The following RASSF2 variants were observed in gnomAD, a reference collection of about 807,000 sequenced individuals.
The protein encoded by RASSF2 is Ras association domain family member 2.
RASSF2 carries 34 observed loss-of-function variants against 46.3 expected under a neutral mutation model. That is an observed-to-expected ratio of 0.73 (90% CI 0.56 to 0.98). The LOEUF (loss-of-function observed/expected upper bound fraction) is 0.98. RASSF2 is among the 50% of genes least tolerant of loss of function. The pLI is 0.00. For missense variants in RASSF2, 364 were observed against 431.2 expected (o/e 0.84, Z 1.38); for synonymous variants, 158 against 162.5 (o/e 0.97, Z 0.21).
chr20:4,812,656 A>G lies in RASSF2; in HGVS notation c.-33+9673T>C, dbSNP rs1927917130. Among the ~76,000 whole-genome samples the G allele has an allele frequency of 6.6e-6, 1 of 152,174 alleles. No individual in the cohort carries two copies. The highest frequency in any genetic ancestry group is 1.5e-5 in the Non-Finnish European group (1 of 68,040). On this transcript the variant is annotated intron_variant, in intron 2 of 11. Transcript: ENST00000379400. The surrounding 1 kb of genome is among the most constrained non-coding windows in gnomAD (Gnocchi z 4.0). ...GGGTCTGAGAAGGTGCAGTTCTAAT[A>G]AGCGCCCAGGGCTGCTGCTGATGCT...
At chr20:4,796,530 C>T (rs541608492) in intron 4 of RASSF2, among the ~76,000 whole-genome samples, 3 of 152,302 alleles carry the variant, frequency 2.0e-5, no homozygotes, top group African/African-American at 7.2e-5. Context: ...CTGTGCTAAT[C>T]AGATTTCCAA....
intron 9 of RASSF2, among the ~76,000 whole-genome samples, 194 bp from the exon 10 acceptor site, chr20:4,787,948 C>T (rs571900163): frequency 1.3e-5 from 2 of 152,116 alleles, no homozygotes; most frequent in South Asian, 4.1e-4. Context: ...TACCACCATG[C>T]CTCAAACTCC....
intron 11 of RASSF2, among the ~76,000 whole-genome samples, chr20:4,785,297 T>C (rs975315137): frequency 8.6e-5 from 13 of 151,832 alleles, no homozygotes; most frequent in Admixed American, 1.3e-4. Flanking sequence ...CGAGATCGCA[T>C]CTCTGCACTC....
intron 2 of RASSF2, among the ~76,000 whole-genome samples, chr20:4,821,017 A>C (rs1214009577): frequency 2.0e-5 from 3 of 152,132 alleles, no homozygotes; most frequent in Non-Finnish European, 2.9e-5. Flanking sequence ...CCTCTGAGGC[A>C]GCAGATGCAC....
chr20:4,791,061 G>C (rs910952496), intron 6 of RASSF2, among the ~76,000 whole-genome samples: 1 of 152,158 alleles, frequency 6.6e-6, no homozygotes, highest in Non-Finnish European at 1.5e-5. Context: ...GATGAACCTT[G>C]ATGACATTAT....
intron 2 of RASSF2, among the ~76,000 whole-genome samples, chr20:4,805,550 A>G (rs13040981): frequency 0.2 from 30,300 of 152,090 alleles, 3,421 homozygotes; most frequent in Middle Eastern, 0.27. Flanking sequence ...GTTTTAAACC[A>G]CCAAGACTAT....
At chr20:4,793,555 T>C (rs1044125377) in intron 5 of RASSF2, among the ~76,000 whole-genome samples, 1 of 152,214 alleles carries the variant, frequency 6.6e-6, no homozygotes, top group Non-Finnish European at 1.5e-5. Context: ...TGGTGAACAC[T>C]TGGCACCCAG....
chr20:4,800,428 C>T (rs1926763660), intron 3 of RASSF2, among the ~76,000 whole-genome samples: 1 of 152,134 alleles, frequency 6.6e-6, no homozygotes, highest in Non-Finnish European at 1.5e-5. Context: ...GCTCTGGTGG[C>T]CAGGAAGTCC....
chr20:4,790,742 G>A lies in RASSF2; in HGVS notation c.377-131C>T. 1 of 665,368 alleles carries A rather than the reference G, an allele frequency of 1.5e-6. No individual in the cohort carries two copies. The highest frequency in any genetic ancestry group is 2.2e-6 in the Non-Finnish European group (1 of 452,916). 41.2% of individuals were successfully genotyped at this position (665,368 alleles called of 1,614,324 possible). On this transcript the variant is annotated intron_variant, in intron 6 of 11. Transcript: ENST00000379400. The surrounding 1 kb of genome is among the most constrained non-coding windows in gnomAD (Gnocchi z 4.3). ...ATATTTTATACAAATAATATTTTCT[G>A]CTGGGGGAAAAACATAATGCAGAAT...
chr20:4,812,083 C>T lies in RASSF2; in HGVS notation c.-33+10246G>A, dbSNP rs981569108. 6.6e-5 allele frequency among the ~76,000 whole-genome samples: 10 copies of T among 152,164 alleles called. No homozygotes were observed. Among genetic ancestry groups the T allele is most frequent in the African/African-American group, 2.2e-4 (9 of 41,436 alleles). ...GAAACCCCAGCCCCATTGCACCACA[C>T]GAGGAAGGAGACTTGAGCTGCGGGC... On this transcript the variant is annotated intron_variant, in intron 2 of 11. Transcript: ENST00000379400. The surrounding 1 kb of genome is among the most constrained non-coding windows in gnomAD (Gnocchi z 4.0).
At chr20:4,809,980 TA>T (rs1037438245) in intron 2 of RASSF2, among the ~76,000 whole-genome samples, 1 of 152,226 alleles carries the variant, frequency 6.6e-6, no homozygotes, top group Non-Finnish European at 1.5e-5. Flanking sequence ...CGTGTGCCGC[TA>T]AGACCCAGCA....
At position 4,783,061 on chromosome 20, in the gene RASSF2, C is replaced by T. The variant is rs1430806181; in HGVS notation, c.*1212G>A. Reference sequence around the variant, plus strand: ...AGGAGCTGAGGAGAAGCTCCATCCTCCCCATGCACCTTCACCAGGTGGCCT... The same window carrying T: ...AGGAGCTGAGGAGAAGCTCCATCCTTCCCATGCACCTTCACCAGGTGGCCT... On this transcript the variant is annotated 3_prime_UTR_variant, in exon 12 of 12. Coordinates refer to ENST00000379400, the MANE Select transcript of RASSF2 (RefSeq NM_014737.3). The T allele has an allele frequency of 6.6e-6, 1 of 152,280 alleles. No homozygotes were observed. Among genetic ancestry groups the T allele is most frequent in the Non-Finnish European group, 1.5e-5 (1 of 68,084 alleles). The allele number at this position is 152,280 out of a possible 1,614,324, so 9.4% of individuals were successfully genotyped here. A position where few individuals can be genotyped will look rare whatever the true frequency, so the allele number is the denominator to read the frequency against.
At chr20:4,802,330 C>CA (rs61526209) in intron 2 of RASSF2, among the ~76,000 whole-genome samples, 7,073 of 152,186 alleles carry the variant, frequency 0.046, 527 homozygotes, top group African/African-American at 0.16. Context: ...AGCACTACCC[C>CA]AGTGATGATG....
chr20:4,812,507 C>T lies in RASSF2; in HGVS notation c.-33+9822G>A, dbSNP rs978046180. On this transcript the variant is annotated intron_variant, in intron 2 of 11. Coordinates refer to ENST00000379400, the MANE Select transcript of RASSF2 (RefSeq NM_014737.3). This position sits in a 1 kb window ranked among gnomAD's most constrained non-coding sequence, Gnocchi z 4.0. Reference sequence around the variant, plus strand: ...GTGCTTTCAGCCAAAAATCAGCCAACCCAACTGTATTCTGGAGGAGAGGTT... The same window carrying T: ...GTGCTTTCAGCCAAAAATCAGCCAATCCAACTGTATTCTGGAGGAGAGGTT... Among the ~76,000 whole-genome samples the T allele has an allele frequency of 3.9e-5, 6 of 152,172 alleles. No homozygotes were observed. The highest frequency in any genetic ancestry group is 7.4e-5 in the Non-Finnish European group (5 of 68,022).
At position 4,788,239 on chromosome 20, in the gene RASSF2, C is replaced by T; in HGVS notation, c.669G>A (p.Leu223=). 4 of 1,608,470 alleles carry T rather than the reference C, an allele frequency of 2.5e-6. No homozygotes were observed. Among genetic ancestry groups the T allele is most frequent in the Non-Finnish European group, 3.4e-6 (4 of 1,174,816 alleles). Residue 223 remains leucine (L), a synonymous_variant, in exon 9 of 12, where the codon TTG becomes TTA. Coordinates refer to ENST00000379400, the MANE Select transcript of RASSF2 (RefSeq NM_014737.3). Reference sequence around the variant, plus strand: ...TACCACCACTCGTATGGACCACGTACAAGGCAAACTCCTCTGCTGAATTCT... The same window carrying T: ...TACCACCACTCGTATGGACCACGTATAAGGCAAACTCCTCTGCTGAATTCT... ...KIENSAEEFA[L]YVVHTSGEKQ... is the part of the protein sequence containing the mutation.
rs1257327254 is a variant in RASSF2 at position 4,784,257 on chromosome 20, C to T, written c.*16G>A. 1.9e-6 allele frequency: 3 copies of T among 1,610,366 alleles called. No individual in the cohort carries two copies. Among genetic ancestry groups the T allele is most frequent in the South Asian group, 1.1e-5 (1 of 90,986 alleles). On this transcript the variant is annotated 3_prime_UTR_variant, in exon 12 of 12. Transcript: ENST00000379400. ...TGGCGGTTCCTGGGGTGCCCAGATC[C>T]CCTCGTTCTCATGGCTCAGATTGTT...
intron 2 of RASSF2, among the ~76,000 whole-genome samples, chr20:4,803,314 G>A (rs982814106): frequency 1.2e-4 from 19 of 152,118 alleles, no homozygotes; most frequent in Admixed American, 2.6e-4. Flanking sequence ...CACGACCCGA[G>A]GGACACAGAC....
At chr20:4,810,585 C>T (rs1455136060) in intron 2 of RASSF2, among the ~76,000 whole-genome samples, 4 of 152,238 alleles carry the variant, frequency 2.6e-5, no homozygotes, top group African/African-American at 9.6e-5. Context: ...CCCAGCACCT[C>T]TCGTCTTATT....
intron 3 of RASSF2, 46 bp from the exon 4 acceptor site, chr20:4,798,131 A>G: frequency 1.2e-6 from 2 of 1,608,296 alleles, no homozygotes; most frequent in South Asian, 2.2e-5. Flanking sequence ...AGCTGAAGCC[A>G]CTTATAATGC....
Sources: gnomAD v4.1 joint callset for allele counts (sites outside exome capture counted in the v4.1 genomes callset) on GRCh38, gnomAD v4.1.1 for gene constraint, Gnocchi (gnomAD v3.1) non-coding constraint, MANE v1.5 for transcripts, NCBI Gene and HGNC (gene_info 2026-07-23, HGNC 2026-07-21) for gene names.